FLT4: variants seen among roughly 807,000 people sequenced by gnomAD.
FLT4 encodes the protein fms related receptor tyrosine kinase 4.
A neutral mutation model predicts 163.2 loss-of-function variants in FLT4; 30 were observed. The observed-to-expected ratio is 0.18, with a 90% CI of 0.14 to 0.25. The LOEUF is 0.25. Among genes scored for constraint, FLT4 ranks in the 10% least tolerant of loss-of-function variants. The pLI is 1.00. For synonymous variants in FLT4, 884 were observed against 789.5 expected, an observed-to-expected ratio of 1.12 and a Z score of -2.01; for missense variants, 1,510 against 1,863.8, an observed-to-expected ratio of 0.81 and a Z score of 3.50.
rs1427381072 is a variant in FLT4, at chr5:180,620,145, G to A, written c.2542+28C>T. 3.8e-6 allele frequency: 6 copies of A among 1,598,052 alleles called. No homozygotes were observed. The highest frequency in any genetic ancestry group is 1.3e-5 in the African/African-American group (1 of 74,774). On this transcript the variant is annotated intron_variant, in intron 17 of 29. Transcript: ENST00000261937. This position sits in a 1 kb window ranked among gnomAD's most constrained non-coding sequence, Gnocchi z 4.4. Reference sequence around the variant, plus strand: ...AGCAGGTGGGTCGGGCAGGAGGTGTGGGTTGGGCAGGCTGGTGCTGGCCTC... The same window carrying A: ...AGCAGGTGGGTCGGGCAGGAGGTGTAGGTTGGGCAGGCTGGTGCTGGCCTC...
At chr5:180,614,553 G>T (rs1308617850) in intron 23 of FLT4, among the ~76,000 whole-genome samples, 1 of 151,972 alleles carries the variant, frequency 6.6e-6, no homozygotes, top group African/African-American at 2.4e-5. Context: ...TGACAAGCAC[G>T]CTCTGTCCAC....
At chr5:180,621,967 C>CA in intron 12 of FLT4, 63 bp from the exon 13 acceptor site, 1 of 1,592,040 alleles carries the variant, frequency 6.3e-7, no homozygotes, top group Non-Finnish European at 8.5e-7. Context: ...ATCCACCTGC[C>CA]GCCCCGGGGT....
At chr5:180,614,662 G>A (rs400330) in intron 23 of FLT4, among the ~76,000 whole-genome samples, 95,676 of 151,808 alleles carry the variant, frequency 0.63, 30,613 homozygotes, top group Admixed American at 0.71. Context: ...CCCTCTCATG[G>A]TCTCTACCTG....
chr5:180,619,219 G>T (rs1236369769), intron 19 of FLT4, 34 bp downstream of exon 19: 4 of 1,527,514 alleles, frequency 2.6e-6, no homozygotes, highest in East Asian at 2.6e-5. Flanking sequence ...CGCGCCCGGG[G>T]TCTCGCCGTC....
chr5:180,610,870 A>G (rs1354416319), intron 27 of FLT4, among the ~76,000 whole-genome samples: 1 of 152,208 alleles, frequency 6.6e-6, no homozygotes, highest in Non-Finnish European at 1.5e-5. Context: ...ATCCTGGCTA[A>G]CACGGTGAAA....
chr5:180,628,140 C>T (rs1017100850), intron 8 of FLT4, among the ~76,000 whole-genome samples: 6 of 152,184 alleles, frequency 3.9e-5, no homozygotes, highest in Admixed American at 2.6e-4. Context: ...GGGGAATTGG[C>T]GATCAGTTAG....
intron 28 of FLT4, chr5:180,609,439 T>G: frequency 5.0e-6 from 2 of 398,760 alleles, no homozygotes; most frequent in South Asian, 2.7e-5. Context: ...GGGGCTTTGT[T>G]ATCCTTCGAC....
At chr5:180,649,377 G>A (rs1435937020) in intron 1 of FLT4, 111 bp downstream of exon 1, 9 of 670,282 alleles carry the variant, frequency 1.3e-5, no homozygotes, top group African/African-American at 9.9e-5. Context: ...CAGGGCCACC[G>A]TGTCCCCCGC....
rs146333884 is a variant in FLT4, at chr5:180,647,452, C to T, written c.58+2036G>A. On this transcript the variant is annotated intron_variant, in intron 1 of 29. Transcript: ENST00000261937. ...CCCAGGTCACACAGAAAGGACTTTA[C>T]GGCAGAGGCAGGACAAGAGTCTGGT... is the stretch of plus-strand genomic sequence containing the variant. 5.1e-4 allele frequency among the ~76,000 whole-genome samples: 78 copies of T among 152,222 alleles called. 1 individual carries two copies. The highest frequency in any genetic ancestry group is 1.5e-3 in the Admixed American group (23 of 15,290).
chr5:180,613,591 C>T (rs1581624015), intron 24 of FLT4: 1 of 265,720 alleles, frequency 3.8e-6, no homozygotes, highest in South Asian at 5.0e-5. Flanking sequence ...TACCCGAGCT[C>T]CCACGCCTCC....
rs1460716669 is a variant in FLT4 at position 180,606,914 on chromosome 5, A to AC, written c.3893+2053_3893+2054insG. On this transcript the variant is annotated intron_variant, in intron 29 of 29. Coordinates refer to ENST00000261937, the MANE Select transcript of FLT4 (RefSeq NM_182925.5). Reference sequence around the variant, plus strand: ...CTACTAAAAAAAAAAAAAAAAAAAAAACAAACAAACAAACTTAGCTGGGCG... The same window carrying AC: ...CTACTAAAAAAAAAAAAAAAAAAAAACACAAACAAACAAACTTAGCTGGGCG... Among the ~76,000 whole-genome samples, 18 of 143,806 alleles carry AC rather than the reference A, an allele frequency of 1.3e-4. No individual in the cohort carries two copies. The South Asian group carries it at 1.8e-3, about 15-fold the overall frequency. The allele number at this position is 143,806 out of a possible 152,430, so 94.3% of individuals were successfully genotyped here.
chr5:180,601,782 T>C lies in FLT4; in HGVS notation c.*1410A>G. The C allele has an allele frequency of 4.3e-6, 1 of 232,764 alleles. No homozygotes were observed. Among genetic ancestry groups the C allele is most frequent in the Non-Finnish European group, 8.5e-6 (1 of 117,852 alleles). 14.4% of individuals were successfully genotyped at this position (232,764 alleles called of 1,614,324 possible). A position where few individuals can be genotyped will look rare whatever the true frequency, so the allele number is the denominator to read the frequency against. On this transcript the variant is annotated 3_prime_UTR_variant, in exon 30 of 30. Coordinates refer to ENST00000261937, the MANE Select transcript of FLT4 (RefSeq NM_182925.5). Reference sequence around the variant, plus strand: ...GGGAGGTCCACGGGGACGACGAAGATGACCTTATACGTGCACTCGGCATAT... The same window carrying C: ...GGGAGGTCCACGGGGACGACGAAGACGACCTTATACGTGCACTCGGCATAT...
At position 180,619,060 on chromosome 5, in the gene FLT4, G is replaced by T; in HGVS notation, c.2811C>A (p.Asn937Lys). The T allele has an allele frequency of 6.4e-7, 1 of 1,560,260 alleles. No individual in the cohort carries two copies. Among genetic ancestry groups the T allele is most frequent in the Non-Finnish European group, 8.7e-7 (1 of 1,154,084 alleles). ...AGGCGTCCCGCTTGGCGCGCAGGAA[G>T]TTGGAGAGGTTGCCGTACTTGCAGA... is the stretch of plus-strand genomic sequence containing the variant. ...VEFCKYGNLS[N>K]FLRAKRDAFS... Residue 937 changes from asparagine to lysine, a missense_variant, in exon 20 of 30, where the codon AAC (asparagine) becomes AAA (lysine). Transcript: ENST00000261937.
intron 28 of FLT4, chr5:180,609,655 C>T (rs1256646598): frequency 4.1e-6 from 2 of 484,798 alleles, no homozygotes; most frequent in East Asian, 3.9e-5. Context: ...GCCGTCCTTC[C>T]ACTGGGGTTT....
At chr5:180,622,876 C>T (rs1232962647) in intron 11 of FLT4, 37 bp from the exon 12 acceptor site, 4 of 1,410,358 alleles carry the variant, frequency 2.8e-6, no homozygotes, top group Non-Finnish European at 4.0e-6. Context: ...ATTTCCTGCC[C>T]AAGTTCTCCC....
chr5:180,603,106 G>T lies in FLT4; in HGVS notation c.*86C>A. On this transcript the variant is annotated 3_prime_UTR_variant, in exon 30 of 30. Coordinates refer to ENST00000261937, the MANE Select transcript of FLT4 (RefSeq NM_182925.5). ...CTCCTGTGCCACCAGAGTTCAACCA[G>T]ATGAGTTCCCAGCCTGGGCCTCCAG... 7.5e-7 allele frequency: 1 copy of T among 1,334,002 alleles called. No homozygotes were observed. The highest frequency in any genetic ancestry group is 1.1e-6 in the Non-Finnish European group (1 of 936,536). 82.6% of individuals were successfully genotyped at this position (1,334,002 alleles called of 1,614,324 possible).
At chr5:180,633,397 C>T (rs552231930) in intron 1 of FLT4, among the ~76,000 whole-genome samples, 2 of 152,322 alleles carry the variant, frequency 1.3e-5, no homozygotes, top group African/African-American at 4.8e-5. Flanking sequence ...TGACTACCAC[C>T]GAGTCTTTGC....
In FLT4 at chr5:180,619,573, A is replaced by G. The variant is rs770018809; in HGVS notation, c.2647+92T>C. On this transcript the variant is annotated intron_variant, in intron 18 of 29. Coordinates refer to ENST00000261937, the MANE Select transcript of FLT4 (RefSeq NM_182925.5). ...TCGGATGAGACTGGCTTCCAGCCTC[A>G]GTCTCCCTTCCCGAGTTGCCGTCCC... 9.0e-6 allele frequency: 10 copies of G among 1,108,718 alleles called. No homozygotes were observed. In the Admixed American group the frequency reaches 1.7e-4, roughly 19 times the overall value. 68.7% of individuals were successfully genotyped at this position (1,108,718 alleles called of 1,614,324 possible).
intron 29 of FLT4, 104 bp downstream of exon 29, chr5:180,608,864 A>G: frequency 2.0e-6 from 2 of 1,024,694 alleles, no homozygotes; most frequent in Admixed American, 1.7e-5. Flanking sequence ...GGGAGCCACG[A>G]AAGGTTCCGG....
Sources: gnomAD v4.1 joint callset for allele counts (sites outside exome capture counted in the v4.1 genomes callset) on GRCh38, gnomAD v4.1.1 for gene constraint, Gnocchi (gnomAD v3.1) non-coding constraint, MANE v1.5 for transcripts, NCBI Gene and HGNC (gene_info 2026-07-23, HGNC 2026-07-21) for gene names.